Variants in AOPEP observed in about 807,000 individuals in gnomAD.
AOPEP encodes aminopeptidase O (putative).
In AOPEP, 77 loss-of-function variants were observed where a neutral mutation model predicts 98.1. The observed-to-expected ratio is 0.78, with a 90% CI of 0.65 to 0.95. The LOEUF is 0.95. Among genes scored for constraint, AOPEP ranks in the 40% least tolerant of loss-of-function variants. The probability of loss-of-function intolerance (pLI) is 0.00; values close to 1 mark genes in which losing one functional copy is unlikely to be tolerated. For synonymous variants in AOPEP, 346 were observed against 365.3 expected, an observed-to-expected ratio of 0.95 and a Z score of 0.60; for missense variants, 1,024 against 1,024.7, an observed-to-expected ratio of 1.00 and a Z score of 0.01.
At chr9:95,116,141 G>T in the AOPEP span, among the ~76,000 whole-genome samples, 1 of 152,238 alleles carries the variant, frequency 6.6e-6, no homozygotes, top group African/African-American at 2.4e-5. Context: ...CCACCTCACC[G>T]TTTATTTACT....
chr9:95,123,936 A>G, the AOPEP span: 1 of 380,476 alleles, frequency 2.6e-6, no homozygotes, highest in Non-Finnish European at 5.1e-6. Flanking sequence ...AATTGTACTT[A>G]ATTAAAAAAT....
At chr9:94,871,674 A>AT (rs995246871) in intron 5 of AOPEP, among the ~76,000 whole-genome samples, 19 of 150,830 alleles carry the variant, frequency 1.3e-4, no homozygotes, top group East Asian at 7.7e-4. Flanking sequence ...AGTTTGGTTA[A>AT]TTTTTTTTTT....
At chr9:94,918,853 T>A (rs2053190190) in intron 5 of AOPEP, among the ~76,000 whole-genome samples, 1 of 152,162 alleles carries the variant, frequency 6.6e-6, no homozygotes, top group Admixed American at 6.5e-5. Context: ...GTAGTCACAT[T>A]TGAGTCAAAA....
the AOPEP span, among the ~76,000 whole-genome samples, chr9:95,146,914 A>T: frequency 2.6e-5 from 4 of 152,104 alleles, no homozygotes; most frequent in Non-Finnish European, 4.4e-5. Flanking sequence ...ATAAGAAGAA[A>T]TAAGTACACT....
chr9:95,134,347 T>C, the AOPEP span, among the ~76,000 whole-genome samples: 1 of 152,118 alleles, frequency 6.6e-6, no homozygotes, highest in Non-Finnish European at 1.5e-5. Context: ...TCAGGAAAAG[T>C]GGGCACAGCC....
chr9:95,134,366 G>A, the AOPEP span, among the ~76,000 whole-genome samples: 1 of 152,098 alleles, frequency 6.6e-6, no homozygotes, highest in African/African-American at 2.4e-5. Flanking sequence ...CCAACCTCAG[G>A]GACTTCCTCA....
chr9:95,058,282 G>C (rs533653464), intron 13 of AOPEP, among the ~76,000 whole-genome samples: 2 of 152,316 alleles, frequency 1.3e-5, no homozygotes, highest in South Asian at 2.1e-4. Context: ...TGCTCTGTGT[G>C]TCTCTTTAGT....
At chr9:94,956,371 G>C (rs2137999049) in intron 9 of AOPEP, among the ~76,000 whole-genome samples, 1 of 152,310 alleles carries the variant, frequency 6.6e-6, no homozygotes, top group African/African-American at 2.4e-5. Flanking sequence ...CGGCTAAACA[G>C]ATCTGCATCC....
chr9:94,761,396 T>G (rs75239813), intron 2 of AOPEP, among the ~76,000 whole-genome samples: 4,011 of 152,340 alleles, frequency 0.026, 174 homozygotes, highest in African/African-American at 0.091. Context: ...CAAACTTTAT[T>G]GATTCCTCCG....
At chr9:94,771,523 T>A (rs1420631372) in intron 2 of AOPEP, among the ~76,000 whole-genome samples, 1 of 152,186 alleles carries the variant, frequency 6.6e-6, no homozygotes, top group East Asian at 1.9e-4. Flanking sequence ...CATTTTCTGC[T>A]CTTATTGTGA....
At chr9:94,900,248 G>T (rs1043194082) in intron 5 of AOPEP, among the ~76,000 whole-genome samples, 3 of 152,198 alleles carry the variant, frequency 2.0e-5, no homozygotes, top group African/African-American at 7.2e-5. Flanking sequence ...GACCCTTCTA[G>T]CAACCAAATT....
intron 5 of AOPEP, among the ~76,000 whole-genome samples, chr9:94,801,354 T>C (rs541319048): frequency 1.5e-4 from 23 of 152,346 alleles, no homozygotes; most frequent in Admixed American, 1.4e-3. Flanking sequence ...AGCCAAAGGT[T>C]ATAGCATCAG....
At chr9:94,866,774 T>A (rs1425337487) in intron 5 of AOPEP, among the ~76,000 whole-genome samples, 3 of 152,214 alleles carry the variant, frequency 2.0e-5, no homozygotes, top group African/African-American at 7.2e-5. Context: ...TATTGGTTGA[T>A]TAAAAATACA....
the AOPEP span, among the ~76,000 whole-genome samples, chr9:95,138,827 C>G: frequency 6.6e-6 from 1 of 152,186 alleles, no homozygotes; most frequent in African/African-American, 2.4e-5. Flanking sequence ...CTCAAGCACA[C>G]GAGTCACACT....
At chr9:94,981,942 G>A (rs1448139116) in intron 11 of AOPEP, among the ~76,000 whole-genome samples, 1 of 152,068 alleles carries the variant, frequency 6.6e-6, no homozygotes, top group East Asian at 1.9e-4. Context: ...TTCCTTTTTG[G>A]CTACGTTGAA....
chr9:95,104,726 C>G, the AOPEP span, among the ~76,000 whole-genome samples: 1 of 152,274 alleles, frequency 6.6e-6, no homozygotes, highest in East Asian at 1.9e-4. Flanking sequence ...GTCGGCAGGG[C>G]TGGAGTCACC....
chr9:95,111,801 G>A, the AOPEP span, among the ~76,000 whole-genome samples: 1 of 152,180 alleles, frequency 6.6e-6, no homozygotes, highest in Non-Finnish European at 1.5e-5. Context: ...CTGTCCAAAC[G>A]CCACTCTGCA....
At chr9:94,932,861 C>T (rs1370235469) in intron 7 of AOPEP, 36 of 985,140 alleles carry the variant, frequency 3.7e-5, no homozygotes, top group Non-Finnish European at 3.7e-5. Flanking sequence ...GTAAGTCATT[C>T]GTTAACAGGT....
intron 15 of AOPEP, among the ~76,000 whole-genome samples, chr9:95,082,141 G>A (rs1173234441): frequency 6.6e-6 from 1 of 152,098 alleles, no homozygotes; most frequent in East Asian, 1.9e-4. Context: ...GGCAGGTGAA[G>A]GACTTCCCGG....
Sources: allele counts gnomAD v4.1 joint callset (sites outside exome capture counted in the v4.1 genomes callset), GRCh38; gene constraint gnomAD v4.1.1; transcripts MANE v1.5; gene names NCBI Gene and HGNC (gene_info 2026-07-23, HGNC 2026-07-21).